The following BIRC3 variants were observed in gnomAD, a reference collection of about 807,000 sequenced individuals.
The protein encoded by BIRC3 is baculoviral IAP repeat containing 3.
In BIRC3, 26 loss-of-function variants were observed where a neutral mutation model predicts 59.0. That is an observed-to-expected ratio of 0.44 (90% CI 0.32 to 0.61). BIRC3 has a LOEUF of 0.61. Ranked by LOEUF, BIRC3 falls within the 20% of genes least tolerant of loss-of-function variation. The probability of loss-of-function intolerance (pLI) is 0.04; values close to 1 mark genes in which losing one functional copy is unlikely to be tolerated. For missense variants in BIRC3, 641 were observed against 711.5 expected, an observed-to-expected ratio of 0.90 and a Z score of 1.13; for synonymous variants, 243 against 249.2, an observed-to-expected ratio of 0.98 and a Z score of 0.24.
chr11:102,320,107 TATC>T (rs1341377881), intron 1 of BIRC3: 2 of 152,104 alleles, frequency 1.3e-5, no homozygotes, highest in Non-Finnish European at 2.9e-5. Context: ...GATCTCAAGT[TATC>T]TGCTTTCCTT....
chr11:102,318,301 A>C (rs561203391), intron 1 of BIRC3, among the ~76,000 whole-genome samples: 1 of 152,302 alleles, frequency 6.6e-6, no homozygotes. Flanking sequence ...GTGCAAGGTC[A>C]TGCTTCTGGT....
At chr11:102,330,071 G>C (rs2135788326) in intron 5 of BIRC3, among the ~76,000 whole-genome samples, 1 of 152,286 alleles carries the variant, frequency 6.6e-6, no homozygotes, top group Middle Eastern at 3.4e-3. Context: ...ATATGAGAGT[G>C]CATATAGGAC....
At chr11:102,331,541 T>C (rs956053404) in intron 6 of BIRC3, among the ~76,000 whole-genome samples, 1 of 152,226 alleles carries the variant, frequency 6.6e-6, no homozygotes, top group Non-Finnish European at 1.5e-5. Context: ...ACATTTTTTT[T>C]TTCTTAACGC....
chr11:102,325,417 G>T (rs745692074), intron 2 of BIRC3, 49 bp from the exon 3 acceptor site: 7 of 1,591,728 alleles, frequency 4.4e-6, no homozygotes, highest in Middle Eastern at 1.7e-4. Context: ...ATACATTTTA[G>T]TGGGCAAATT....
At position 102,319,043 on chromosome 11, in the gene BIRC3, A is replaced by ATT. The variant is rs35835532; in HGVS notation, c.-2674+1489_-2674+1490dup. Among the ~76,000 whole-genome samples, 389 of 131,592 alleles carry ATT rather than the reference A, an allele frequency of 3.0e-3. 7 individuals are homozygous for ATT. The highest frequency in any genetic ancestry group is 8.6e-3 in the East Asian group (38 of 4,438). 86.3% of individuals were successfully genotyped at this position (131,592 alleles called of 152,430 possible). The stretch of plus-strand genomic sequence containing the variant: ...GAGTGGAAAGTGTGGTTGAAAGAGG[A>ATT]TTTTTTTTTTTTTTTTTTGAGACAG... On this transcript the variant is annotated intron_variant, in intron 1 of 8. Coordinates refer to ENST00000263464, the MANE Select transcript of BIRC3 (RefSeq NM_001165.5).
chr11:102,335,637 C>CATTATT (rs17883841), intron 6 of BIRC3, among the ~76,000 whole-genome samples: 2 of 151,746 alleles, frequency 1.3e-5, no homozygotes, highest in African/African-American at 2.4e-5. Flanking sequence ...CTATAAGTAG[C>CATTATT]ATTATTATTA....
In BIRC3 at chr11:102,337,609, T is replaced by C; in HGVS notation, c.*507T>C. On this transcript the variant is annotated 3_prime_UTR_variant, in exon 9 of 9. Coordinates refer to ENST00000263464, the MANE Select transcript of BIRC3 (RefSeq NM_001165.5). The stretch of plus-strand genomic sequence containing the variant: ...AAAACACCAGGGACACATTTCTCTG[T>C]CTTTTTTGATCAGTGTCCTATACAT... The C allele has an allele frequency of 2.8e-6, 1 of 362,862 alleles. No individual in the cohort carries two copies. Among genetic ancestry groups the C allele is most frequent in the African/African-American group, 2.1e-5 (1 of 48,104 alleles). The allele number at this position is 362,862 out of a possible 1,614,324, so 22.5% of individuals were successfully genotyped here.
intron 1 of BIRC3, among the ~76,000 whole-genome samples, chr11:102,320,915 T>A (rs887468150): frequency 1.3e-5 from 2 of 152,272 alleles, no homozygotes; most frequent in African/African-American, 4.8e-5. Context: ...TGCTCAGCTT[T>A]AGCTGATTGC....
At position 102,323,535 on chromosome 11, in the gene BIRC3, G is replaced by T; in HGVS notation, c.-975G>T. On this transcript the variant is annotated 5_prime_UTR_variant, in exon 2 of 9. Transcript: ENST00000263464. ...AATCTCTGATTATTTATTTTAAATA[G>T]AATATTTAATTGTGTAAGATCTAAT... 5.3e-6 allele frequency: 1 copy of T among 186,920 alleles called. No individual in the cohort carries two copies. Among genetic ancestry groups the T allele is most frequent in the South Asian group, 2.0e-4 (1 of 5,110 alleles). 11.6% of individuals were successfully genotyped at this position (186,920 alleles called of 1,614,324 possible).
In BIRC3 at chr11:102,324,653, G is replaced by A; in HGVS notation, c.144G>A (p.Arg48=). 1.2e-6 allele frequency: 2 copies of A among 1,614,176 alleles called. No homozygotes were observed. The highest frequency in any genetic ancestry group is 1.7e-6 in the Non-Finnish European group (2 of 1,180,016). The change falls in exon 2 of 9, where the codon AGG becomes AGA. Residue 48 remains arginine (R), a synonymous_variant. Coordinates refer to ENST00000263464, the MANE Select transcript of BIRC3 (RefSeq NM_001165.5). The part of the protein sequence containing the change: ...TFPAGVPVSE[R]SLARAGFYYT... The stretch of plus-strand genomic sequence containing the variant: ...CTGCTGGGGTTCCTGTCTCAGAAAG[G>A]AGTCTTGCTCGTGCTGGTTTCTATT...
Position 102,337,285 on chromosome 11 carries a change from G to A in BIRC3, c.*183G>A, listed in dbSNP as rs1951206922. The A allele has an allele frequency of 4.7e-6, 2 of 427,356 alleles. No homozygotes were observed. Among genetic ancestry groups the A allele is most frequent in the Middle Eastern group, 5.9e-4 (1 of 1,694 alleles). The allele number at this position is 427,356 out of a possible 1,614,324, so 26.5% of individuals were successfully genotyped here. A position where few individuals can be genotyped will look rare whatever the true frequency, so the allele number is the denominator to read the frequency against. Reference sequence around the variant, plus strand: ...TGAACATATATTTTTTAGAAACTAAGAGAATGATAGGCTTTTGTTCTTATG... The same window carrying A: ...TGAACATATATTTTTTAGAAACTAAAAGAATGATAGGCTTTTGTTCTTATG... On this transcript the variant is annotated 3_prime_UTR_variant, in exon 9 of 9. Transcript: ENST00000263464.
At chr11:102,319,509 C>G (rs1438330055) in intron 1 of BIRC3, among the ~76,000 whole-genome samples, 1 of 152,148 alleles carries the variant, frequency 6.6e-6, no homozygotes, top group Non-Finnish European at 1.5e-5. Flanking sequence ...AGTGTAGGAT[C>G]CCATAAGGGG....
chr11:102,328,025 T>C, intron 3 of BIRC3, 27 bp from the exon 4 acceptor site: 1 of 1,552,680 alleles, frequency 6.4e-7, no homozygotes, highest in East Asian at 2.3e-5. Flanking sequence ...AAATAATCCC[T>C]CAAATTTTAT....
intron 6 of BIRC3, among the ~76,000 whole-genome samples, chr11:102,333,566 C>T (rs1951166448): frequency 6.8e-6 from 1 of 146,126 alleles, no homozygotes; most frequent in African/African-American, 2.5e-5. Context: ...GAGACACTCT[C>T]TAAAAGAAAA....
intron 1 of BIRC3, among the ~76,000 whole-genome samples, chr11:102,319,273 C>A (rs890645082): frequency 6.6e-6 from 1 of 152,032 alleles, no homozygotes; most frequent in Non-Finnish European, 1.5e-5. Context: ...GTCTCAGTCT[C>A]CTGACCTCGT....
Position 102,331,035 on chromosome 11 carries a change from A to G in BIRC3, c.1118A>G (p.Asp373Gly). 1 of 1,613,772 alleles carries G rather than the reference A, an allele frequency of 6.2e-7. No homozygotes were observed. The highest frequency in any genetic ancestry group is 8.5e-7 in the Non-Finnish European group (1 of 1,179,790). The stretch of plus-strand genomic sequence containing the variant: ...GAACCTGGAGAAGACCATTCAGAAG[A>G]TGCAATCATGATGAATACTCCTGTG... ...HFEPGEDHSEDAIMMNTPVIN... is the reference protein window; with the variant it reads ...HFEPGEDHSEGAIMMNTPVIN... Residue 373 changes from aspartate (D) to glycine (G), a missense_variant, in exon 6 of 9, where the codon GAT (aspartate) becomes GGT (glycine). By Grantham distance (94) the Asp-to-Gly change is moderately conservative. This residue lies in a region of BIRC3 where 268 missense variants were observed against 255.7 expected (regional missense o/e 1.05). Transcript: ENST00000263464.
Position 102,324,711 on chromosome 11 carries a change from T to C in BIRC3, c.202T>C (p.Cys68Arg), listed in dbSNP as rs1565321701. 6.2e-7 allele frequency: 1 copy of C among 1,614,194 alleles called. No individual in the cohort carries two copies. The change falls in exon 2 of 9, where the codon TGT becomes CGT. Residue 68 changes from cysteine to arginine, a missense_variant. This residue lies in a region of BIRC3 where 329 missense variants were observed against 365.6 expected (regional missense o/e 0.90). Transcript: ENST00000263464. ...TGVNDKVKCF[C>R]CGLMLDNWKR... ...TGTGAATGACAAGGTCAAATGCTTC[T>C]GTTGTGGCCTGATGCTGGATAACTG...
At position 102,324,400 on chromosome 11, in the gene BIRC3, T is replaced by G; in HGVS notation, c.-110T>G. The stretch of plus-strand genomic sequence containing the variant: ...CATAGAAATAAAAATAATAAAAAAT[T>G]TTTCATTTTGGCTTTTCAGCCTAGT... On this transcript the variant is annotated 5_prime_UTR_variant, in exon 2 of 9. In the 5' UTR this introduces an upstream ATG that the reference lacks. Transcript: ENST00000263464. 1 of 1,268,926 alleles carries G rather than the reference T, an allele frequency of 7.9e-7. No homozygotes were observed. The highest frequency in any genetic ancestry group is 1.5e-5 in the African/African-American group (1 of 65,798). 78.6% of individuals were successfully genotyped at this position (1,268,926 alleles called of 1,614,324 possible).
Position 102,328,901 on chromosome 11 carries a change from T to A in BIRC3, c.1037T>A (p.Leu346Gln). ...ATATATTTTTTTTTTCTGCAGCTGC[T>A]ATCCACATCAGACAGCCCAGGAGAT... ...ASYPHLLEQLLSTSDSPGDEN... is the reference protein window; with the variant it reads ...ASYPHLLEQLQSTSDSPGDEN... The change falls in exon 5 of 9, where the codon CTA becomes CAA. Residue 346 changes from leucine (L) to glutamine (Q), a missense_variant. Coordinates refer to ENST00000263464, the MANE Select transcript of BIRC3 (RefSeq NM_001165.5). 1.5e-6 allele frequency: 2 copies of A among 1,323,912 alleles called. No homozygotes were observed. The highest frequency in any genetic ancestry group is 3.0e-5 in the East Asian group (1 of 33,864). 82.0% of individuals were successfully genotyped at this position (1,323,912 alleles called of 1,614,324 possible).
Sources: gnomAD v4.1 joint callset for allele counts (sites outside exome capture counted in the v4.1 genomes callset) on GRCh38, gnomAD v4.1.1 for gene constraint, gnomAD v4.1.1 regional missense constraint, MANE v1.5 for transcripts, NCBI Gene and HGNC (gene_info 2026-07-23, HGNC 2026-07-21) for gene names.